Variants in NOS1 observed in about 807,000 individuals in gnomAD.
The protein encoded by NOS1 is NOS type I.
A neutral mutation model predicts 164.5 loss-of-function variants in NOS1; 51 were observed. The observed-to-expected ratio is 0.31, with a 90% CI of 0.25 to 0.39. The LOEUF (loss-of-function observed/expected upper bound fraction) is 0.39. Among genes scored for constraint, NOS1 ranks in the 10% least tolerant of loss-of-function variants. The probability of loss-of-function intolerance (pLI) is 1.00; values close to 1 mark genes in which losing one functional copy is unlikely to be tolerated. For synonymous variants in NOS1, 719 were observed against 745.8 expected (o/e 0.96, Z 0.59); for missense variants, 1,362 against 1,885.6 (o/e 0.72, Z 5.14).
At chr12:117,251,360 C>A (rs78885224) in intron 17 of NOS1, among the ~76,000 whole-genome samples, 3 of 152,054 alleles carry the variant, frequency 2.0e-5, no homozygotes, top group Non-Finnish European at 2.9e-5. Context: ...ATGATTCAGG[C>A]GGTTGATTCA....
chr12:117,274,832 T>G lies in NOS1; in HGVS notation c.1665-2273A>C, dbSNP rs546121445. On this transcript the variant is annotated intron_variant, in intron 9 of 28. Transcript: ENST00000317775. ...TGTCAAAGTGATACCTACAACCCTG[T>G]GTTTATTGAAGCACTATTCACAGTA... Among the ~76,000 whole-genome samples, 7 of 150,598 alleles carry G rather than the reference T, an allele frequency of 4.6e-5. No individual in the cohort carries two copies. The East Asian group carries it at 1.4e-3, about 29-fold the overall frequency.
chr12:117,354,160 G>A (rs879897176), intron 1 of NOS1, among the ~76,000 whole-genome samples: 2 of 152,164 alleles, frequency 1.3e-5, no homozygotes, highest in South Asian at 2.1e-4. Flanking sequence ...GGCAAGTCTT[G>A]AAGAAGGGAC....
At chr12:117,255,746 G>A (rs577044423) in intron 16 of NOS1, among the ~76,000 whole-genome samples, 1 of 152,264 alleles carries the variant, frequency 6.6e-6, no homozygotes, top group Non-Finnish European at 1.5e-5. Context: ...CTCCCCATTC[G>A]GCAGATGAGA....
intron 3 of NOS1, among the ~76,000 whole-genome samples, chr12:117,302,290 A>G (rs560271059): frequency 1.3e-5 from 2 of 152,314 alleles, no homozygotes; most frequent in Non-Finnish European, 2.9e-5. Flanking sequence ...GGCTCAGCAC[A>G]GATGCTATTA....
At chr12:117,236,482 T>C (rs1000458569) in intron 20 of NOS1, among the ~76,000 whole-genome samples, 1 of 152,148 alleles carries the variant, frequency 6.6e-6, no homozygotes, top group Non-Finnish European at 1.5e-5. Flanking sequence ...GCGACCATAA[T>C]TGTGAATGGC....
Position 117,212,415 on chromosome 12 carries a change from C to A in NOS1, c.*2894G>T. The A allele has an allele frequency of 2.0e-6, 2 of 985,414 alleles. No homozygotes were observed. The highest frequency in any genetic ancestry group is 2.4e-6 in the Non-Finnish European group (2 of 829,902). 61.0% of individuals were successfully genotyped at this position (985,414 alleles called of 1,614,324 possible). On this transcript the variant is annotated 3_prime_UTR_variant, in exon 29 of 29. Coordinates refer to ENST00000317775, the MANE Select transcript of NOS1 (RefSeq NM_000620.5). ...CCCCCCGCAAAAGAAAGACACCTGG[C>A]TGTCTCACTCCAGGGAAACCAAAAG...
chr12:117,299,895 C>T (rs1873700684), intron 3 of NOS1, among the ~76,000 whole-genome samples: 2 of 151,918 alleles, frequency 1.3e-5, no homozygotes, highest in African/African-American at 4.8e-5. Context: ...CAACTTTCAG[C>T]TTGGTCCCAT....
chr12:117,209,166 A>G lies in NOS1; in HGVS notation c.*6143T>C, dbSNP rs557343084. The G allele has an allele frequency of 1.0e-6, 1 of 985,386 alleles. No homozygotes were observed. Among genetic ancestry groups the G allele is most frequent in the African/African-American group, 1.7e-5 (1 of 57,342 alleles). 61.0% of individuals were successfully genotyped at this position (985,386 alleles called of 1,614,324 possible). ...CGTGCTCCAGGAAATCTATAATGAG[A>G]AGTCCTGGGGTAGCCAGCAGAGATT... On this transcript the variant is annotated 3_prime_UTR_variant, in exon 29 of 29. Coordinates refer to ENST00000317775, the MANE Select transcript of NOS1 (RefSeq NM_000620.5).
chr12:117,347,054 A>G (rs955188091), intron 1 of NOS1, among the ~76,000 whole-genome samples: 1 of 152,172 alleles, frequency 6.6e-6, no homozygotes, highest in African/African-American at 2.4e-5. Context: ...TGGGAGGCCA[A>G]GGAAGGTGGA....
At chr12:117,348,750 T>C (rs1876478332) in intron 1 of NOS1, among the ~76,000 whole-genome samples, 1 of 152,182 alleles carries the variant, frequency 6.6e-6, no homozygotes, top group South Asian at 2.1e-4. Flanking sequence ...AAAGTGGCAC[T>C]GTAACTGACC....
intron 1 of NOS1, among the ~76,000 whole-genome samples, chr12:117,342,505 A>G (rs1876160441): frequency 6.6e-6 from 1 of 152,084 alleles, no homozygotes; most frequent in Non-Finnish European, 1.5e-5. Context: ...GAAATGGAGG[A>G]CAGAGACCAG....
At chr12:117,347,905 G>T (rs964652936) in intron 1 of NOS1, 27 of 152,072 alleles carry the variant, frequency 1.8e-4, no homozygotes, top group African/African-American at 5.8e-4. Context: ...TCTAAATTGG[G>T]CTTTCTCTTT....
intron 9 of NOS1, among the ~76,000 whole-genome samples, chr12:117,277,142 C>CGTTT (rs1441527243): frequency 1.3e-5 from 2 of 152,170 alleles, no homozygotes; most frequent in African/African-American, 4.8e-5. Context: ...TCTTCACCAG[C>CGTTT]GTTTGTTATT....
chr12:117,262,793 C>T (rs1872045998), intron 13 of NOS1, among the ~76,000 whole-genome samples: 1 of 152,068 alleles, frequency 6.6e-6, no homozygotes, highest in Non-Finnish European at 1.5e-5. Flanking sequence ...AGGCTGGCAT[C>T]CCCGTTAAAT....
chr12:117,332,780 G>A lies in NOS1; in HGVS notation c.-420-1291C>T, dbSNP rs572538119. ...CTCAGGAGGCTGAGGCACAAGAATCGCTTGAACCAAGGAGGCGGAGGTTGC... is the reference window on the plus strand; with the variant it reads ...CTCAGGAGGCTGAGGCACAAGAATCACTTGAACCAAGGAGGCGGAGGTTGC... On this transcript the variant is annotated intron_variant, in intron 1 of 28. Transcript: ENST00000317775. Among the ~76,000 whole-genome samples, 315 of 152,228 alleles carry A rather than the reference G, an allele frequency of 2.1e-3. 1 individual carries two copies. Among genetic ancestry groups the A allele is most frequent in the Non-Finnish European group, 3.6e-3 (246 of 67,998 alleles).
At chr12:117,245,092 C>T (rs756053980) in intron 18 of NOS1, among the ~76,000 whole-genome samples, 1 of 152,208 alleles carries the variant, frequency 6.6e-6, no homozygotes, top group Non-Finnish European at 1.5e-5. Context: ...ATCGCCTCCC[C>T]ACCTGGAAAT....
chr12:117,238,713 C>T (rs569186467), intron 20 of NOS1, among the ~76,000 whole-genome samples: 1 of 152,216 alleles, frequency 6.6e-6, no homozygotes, highest in South Asian at 2.1e-4. Context: ...GACAGGGTTT[C>T]ACCATGCTGG....
At chr12:117,285,956 A>C in intron 6 of NOS1, 148 bp downstream of exon 6, 1 of 804,162 alleles carries the variant, frequency 1.2e-6, no homozygotes, top group East Asian at 2.6e-5. Flanking sequence ...TGATCTTGGA[A>C]TGTGGGACCC....
chr12:117,276,381 C>T (rs1873180496), intron 9 of NOS1, among the ~76,000 whole-genome samples: 1 of 152,178 alleles, frequency 6.6e-6, no homozygotes, highest in Admixed American at 6.6e-5. Flanking sequence ...TTCCCAGGTT[C>T]AGGTGATTCT....
Sources: allele counts gnomAD v4.1 joint callset (sites outside exome capture counted in the v4.1 genomes callset), GRCh38; gene constraint gnomAD v4.1.1; transcripts MANE v1.5; gene names NCBI Gene and HGNC (gene_info 2026-07-23, HGNC 2026-07-21).